Variants in SLC13A3 observed in about 807,000 individuals in gnomAD.
The protein encoded by SLC13A3 is solute carrier family 13 member 3, also known as Na(+)/dicarboxylate cotransporter 3.
SLC13A3 carries 40 observed loss-of-function variants against 59.0 expected under a neutral mutation model. The observed-to-expected ratio is 0.68, with a 90% confidence interval of 0.53 to 0.88. The LOEUF (loss-of-function observed/expected upper bound fraction) is 0.88. SLC13A3 is among the 40% of genes least tolerant of loss of function. SLC13A3 has a pLI of 0.00. For synonymous variants in SLC13A3, 317 were observed against 330.3 expected (o/e 0.96, Z 0.44); for missense variants, 699 against 783.2 (o/e 0.89, Z 1.28).
At chr20:46,601,485 G>A (rs1477821419) in intron 3 of SLC13A3, among the ~76,000 whole-genome samples, 2 of 152,192 alleles carry the variant, frequency 1.3e-5, no homozygotes, top group East Asian at 1.9e-4. Context: ...AAATCGCTAT[G>A]GAGCACCTGT....
intron 1 of SLC13A3, among the ~76,000 whole-genome samples, chr20:46,623,159 G>T (rs1346606227): frequency 2.0e-5 from 3 of 152,128 alleles, no homozygotes; most frequent in Non-Finnish European, 2.9e-5. Flanking sequence ...GGCATTAAAA[G>T]AAAAGAAAAT....
chr20:46,639,223 T>C (rs1232254414), intron 1 of SLC13A3, among the ~76,000 whole-genome samples: 4 of 51,896 alleles, frequency 7.7e-5, no homozygotes, highest in Non-Finnish European at 1.6e-4. Flanking sequence ...GGCAGGGGGG[T>C]GGGGGTGAGG....
In SLC13A3 at chr20:46,666,083, G is replaced by A. The variant is rs374135036; in HGVS notation, c.-31+3960C>T. ...GTAGGTCTTGCTGAAACTCTGATGA[G>A]GCTATGAGAGAGAGGAACTGGTACT... On this transcript the variant is annotated intron_variant, in intron 1 of 12. Transcript: ENST00000290317. Among the ~76,000 whole-genome samples the A allele has an allele frequency of 7.9e-5, 12 of 152,314 alleles. No individual in the cohort carries two copies. In the South Asian group the frequency reaches 1.7e-3, roughly 21 times the overall value.
chr20:46,684,149 C>T (rs1482945153), intron 1 of SLC13A3, among the ~76,000 whole-genome samples: 1 of 152,178 alleles, frequency 6.6e-6, no homozygotes, highest in East Asian at 1.9e-4. Flanking sequence ...TCGCCAACTT[C>T]GCACGCCACA....
At chr20:46,675,848 C>T (rs2063121691) in intron 1 of SLC13A3, 1 of 152,290 alleles carries the variant, frequency 6.6e-6, no homozygotes, top group African/African-American at 2.4e-5. Flanking sequence ...GGGGTTCAGG[C>T]AAAAGATCAC....
chr20:46,560,652 A>T (rs1480934196), intron 12 of SLC13A3, among the ~76,000 whole-genome samples: 1 of 152,148 alleles, frequency 6.6e-6, no homozygotes, highest in Non-Finnish European at 1.5e-5. Flanking sequence ...ACACACACGC[A>T]TGCATGTAGG....
At chr20:46,625,951 A>T (rs2062664610) in intron 1 of SLC13A3, among the ~76,000 whole-genome samples, 1 of 152,172 alleles carries the variant, frequency 6.6e-6, no homozygotes, top group African/African-American at 2.4e-5. Flanking sequence ...GCTACTATGG[A>T]AAAAGTTGTT....
In SLC13A3 at chr20:46,626,992, T is replaced by C. The variant is rs188287756; in HGVS notation, c.112-13267A>G. ...AGTCCATCTCTGATCACACTGTTCA[T>C]TGTGGTCTGCTGCACATTATCTGGC... On this transcript the variant is annotated intron_variant, in intron 1 of 12. Transcript: ENST00000279027. Among the ~76,000 whole-genome samples, 4 of 152,344 alleles carry C rather than the reference T, an allele frequency of 2.6e-5. No homozygotes were observed. In the East Asian group the frequency reaches 7.7e-4, roughly 29 times the overall value.
At chr20:46,653,002 T>C (rs1243263164), upstream of SLC13A3, among the ~76,000 whole-genome samples, 1 of 152,250 alleles carries the variant, frequency 6.6e-6, no homozygotes, top group East Asian at 1.9e-4. Context: ...CCCTAATGGC[T>C]AGTGATGTTT....
At chr20:46,672,523 G>A (rs2063099035), upstream of SLC13A3, among the ~76,000 whole-genome samples, 1 of 152,186 alleles carries the variant, frequency 6.6e-6, no homozygotes, top group Non-Finnish European at 1.5e-5. Flanking sequence ...GGGGTAGGCA[G>A]TTCAAATGCC....
upstream of SLC13A3, among the ~76,000 whole-genome samples, chr20:46,652,185 C>T (rs946437135): frequency 9.9e-5 from 15 of 152,176 alleles, no homozygotes; most frequent in African/African-American, 3.6e-4. Context: ...AACAAATCCC[C>T]ATGACACAAG....
chr20:46,633,257 A>G (rs1418179043), intron 1 of SLC13A3, among the ~76,000 whole-genome samples: 2 of 151,986 alleles, frequency 1.3e-5, no homozygotes, highest in African/African-American at 4.8e-5. Context: ...CCCAAGAGAA[A>G]CCCTTTCTGC....
chr20:46,612,068 CTTT>C (rs1555879602), intron 2 of SLC13A3, among the ~76,000 whole-genome samples: 1 of 141,812 alleles, frequency 7.1e-6, no homozygotes, highest in African/African-American at 2.6e-5. Context: ...TTTTCTCTTT[CTTT>C]TTTTTCTTTC....
intron 1 of SLC13A3, among the ~76,000 whole-genome samples, chr20:46,684,020 C>T (rs2063166818): frequency 1.3e-5 from 2 of 152,230 alleles, no homozygotes; most frequent in African/African-American, 2.4e-5. Flanking sequence ...AGAACAAAAC[C>T]CAACCTTGTA....
At chr20:46,655,983 A>G (rs536359323), upstream of SLC13A3, among the ~76,000 whole-genome samples, 74 of 140,440 alleles carry the variant, frequency 5.3e-4, no homozygotes, top group Non-Finnish European at 9.2e-4. Flanking sequence ...GTATGTATAT[A>G]TGTATATATG....
chr20:46,630,531 T>G (rs1483416794), intron 1 of SLC13A3, among the ~76,000 whole-genome samples: 1 of 152,242 alleles, frequency 6.6e-6, no homozygotes, highest in African/African-American at 2.4e-5. Flanking sequence ...CATTGTCAGC[T>G]CTTCTTCATA....
At chr20:46,578,469 A>T (rs1030826180) in intron 9 of SLC13A3, among the ~76,000 whole-genome samples, 6 of 151,792 alleles carry the variant, frequency 4.0e-5, no homozygotes, top group African/African-American at 1.5e-4. Context: ...TGAGGTCAGG[A>T]GTTCAAGATC....
chr20:46,646,286 G>A (rs1753228401), intron 1 of SLC13A3, among the ~76,000 whole-genome samples: 2 of 152,170 alleles, frequency 1.3e-5, no homozygotes, highest in Admixed American at 1.3e-4. Context: ...GTAGCTGTGT[G>A]ACCTTGGAAT....
upstream of SLC13A3, among the ~76,000 whole-genome samples, chr20:46,672,556 A>AT (rs1486213774): frequency 6.6e-6 from 1 of 152,190 alleles, no homozygotes; most frequent in African/African-American, 2.4e-5. Context: ...GTTATAAAAC[A>AT]TAGCCACAAA....
Sources: allele counts gnomAD v4.1 joint callset (sites outside exome capture counted in the v4.1 genomes callset), GRCh38; gene constraint gnomAD v4.1.1; transcripts MANE v1.5; gene names NCBI Gene and HGNC (gene_info 2026-07-23, HGNC 2026-07-21).